DPP3: variants seen among roughly 807,000 people sequenced by gnomAD.
DPP3 encodes the protein dipeptidyl peptidase 3.
DPP3 carries 64 observed loss-of-function variants against 89.8 expected under a neutral mutation model. That is an observed-to-expected ratio of 0.71 (90% CI 0.58 to 0.88). The LOEUF is 0.88. Among genes scored for constraint, DPP3 ranks in the 40% least tolerant of loss-of-function variants. The probability of loss-of-function intolerance (pLI) is 0.00; values close to 1 mark genes in which losing one functional copy is unlikely to be tolerated. For missense variants in DPP3, 835 were observed against 972.5 expected (o/e 0.86, Z 1.88); for synonymous variants, 377 against 404.3 (o/e 0.93, Z 0.81).
chr11:66,502,130 T>G (rs1357065043), intron 16 of DPP3, among the ~76,000 whole-genome samples: 1 of 151,760 alleles, frequency 6.6e-6, no homozygotes, highest in African/African-American at 2.4e-5. Context: ...GAGGTGGAGG[T>G]TGCGTGAGCC....
intron 17 of DPP3, among the ~76,000 whole-genome samples, chr11:66,507,749 G>A (rs1301503223): frequency 1.3e-5 from 2 of 150,678 alleles, no homozygotes; most frequent in African/African-American, 2.4e-5. Context: ...TGAGATCTCG[G>A]CTCACTGCAA....
intron 11 of DPP3, 68 bp downstream of exon 11, chr11:66,493,247 A>G: frequency 1.5e-6 from 2 of 1,362,698 alleles, no homozygotes; most frequent in Non-Finnish European, 2.1e-6. Flanking sequence ...GAAGAGAGAC[A>G]GCCCAGAGCA....
At chr11:66,488,328 A>G (rs1463135350) in intron 6 of DPP3, among the ~76,000 whole-genome samples, 1 of 152,180 alleles carries the variant, frequency 6.6e-6, no homozygotes, top group Admixed American at 6.5e-5. Context: ...TTGGGAGGCA[A>G]AGGTGGGCGA....
chr11:66,496,252 G>A (rs947210442), intron 15 of DPP3, among the ~76,000 whole-genome samples: 4 of 152,046 alleles, frequency 2.6e-5, no homozygotes, highest in South Asian at 2.1e-4. Context: ...TTGTTTGTTC[G>A]TTTTTGTTTT....
At chr11:66,487,393 T>G in intron 5 of DPP3, 51 bp downstream of exon 5, 1 of 1,578,918 alleles carries the variant, frequency 6.3e-7, no homozygotes, top group Non-Finnish European at 8.7e-7. Context: ...GGGTTCCTAG[T>G]CCCAGCCCCC....
intron 2 of DPP3, chr11:66,483,139 G>A (rs981185872): frequency 6.6e-6 from 1 of 151,250 alleles, no homozygotes; most frequent in African/African-American, 2.4e-5. Flanking sequence ...CACTTCTCAT[G>A]CCTCAGCCTC....
chr11:66,490,868 C>T (rs1037369284), intron 6 of DPP3, among the ~76,000 whole-genome samples: 1 of 150,492 alleles, frequency 6.6e-6, no homozygotes, highest in Non-Finnish European at 1.5e-5. Context: ...CTCCCGGGTT[C>T]AAGCGATTCT....
chr11:66,497,540 C>A, intron 16 of DPP3, 63 bp downstream of exon 16: 1 of 1,548,176 alleles, frequency 6.5e-7, no homozygotes, highest in Non-Finnish European at 8.7e-7. Context: ...CTGAGTGTTA[C>A]CAGGCACGGA....
In DPP3 at chr11:66,504,459, C is replaced by T. The variant is rs965791148; in HGVS notation, c.1879-153C>T. The stretch of plus-strand genomic sequence containing the variant: ...CCTTAATGGTTAAGTTGAAACTTAA[C>T]CATAAGTTTCAACACCAGAATTTTG... On this transcript the variant is annotated intron_variant, in intron 16 of 17. Transcript: ENST00000531863. 9.9e-5 allele frequency among the ~76,000 whole-genome samples: 15 copies of T among 152,188 alleles called. No homozygotes were observed. In the East Asian group the frequency reaches 2.9e-3, roughly 29 times the overall value.
At chr11:66,482,011 A>G in intron 1 of DPP3, 182 bp from the exon 2 acceptor site, 9 of 817,478 alleles carry the variant, frequency 1.1e-5, no homozygotes, top group Middle Eastern at 3.8e-4. Flanking sequence ...GTATTTTGTG[A>G]CCCCTTGGGT....
At chr11:66,503,103 G>A (rs1423506101) in intron 16 of DPP3, among the ~76,000 whole-genome samples, 1 of 151,798 alleles carries the variant, frequency 6.6e-6, no homozygotes, top group Non-Finnish European at 1.5e-5. Context: ...TGAATAGCTG[G>A]GACTACAGGC....
intron 1 of DPP3, chr11:66,480,670 GGGGCTTCTGGAGGCCGGGGCA>G: frequency 7.8e-6 from 4 of 511,900 alleles, no homozygotes; most frequent in Non-Finnish European, 9.4e-6. Flanking sequence ...CTATTGGGGC[GGGGCTTCTGGAGGCCGGGGCA>G]GGGCGAGGAG....
At position 66,482,489 on chromosome 11, in the gene DPP3, A is replaced by G. The variant is rs201532921; in HGVS notation, c.270+19A>G. ...GTATCAGGTCAGTTCTCTTGGGCCA[A>G]CCCACATTACCTGAGTGGCTTCTGG... is the stretch of plus-strand genomic sequence containing the variant. On this transcript the variant is annotated intron_variant, in intron 2 of 17. Transcript: ENST00000531863. The G allele has an allele frequency of 2.5e-6, 4 of 1,593,220 alleles. No individual in the cohort carries two copies. In the African/African-American group the frequency reaches 4.0e-5, roughly 16 times the overall value.
intron 1 of DPP3, chr11:66,480,846 T>C (rs888268070): frequency 1.0e-5 from 2 of 190,566 alleles, no homozygotes; most frequent in Non-Finnish European, 2.1e-5. Context: ...TAAAATGGGC[T>C]TTCTTCTGGT....
intron 16 of DPP3, among the ~76,000 whole-genome samples, chr11:66,500,326 C>T (rs893815656): frequency 2.0e-5 from 3 of 151,994 alleles, no homozygotes; most frequent in African/African-American, 4.8e-5. Flanking sequence ...TGCACTCCAT[C>T]GCGGGCAATA....
At chr11:66,485,348 A>G in intron 3 of DPP3, 86 bp downstream of exon 3, 1 of 1,329,698 alleles carries the variant, frequency 7.5e-7, no homozygotes, top group Non-Finnish European at 1.1e-6. Flanking sequence ...CCCCAACTGG[A>G]GTGTCAGAAG....
At chr11:66,489,046 A>G (rs182904654) in intron 6 of DPP3, among the ~76,000 whole-genome samples, 2 of 152,122 alleles carry the variant, frequency 1.3e-5, no homozygotes, top group Non-Finnish European at 2.9e-5. Flanking sequence ...TTGTATTTTT[A>G]GTAGAGATGA....
At position 66,482,361 on chromosome 11, in the gene DPP3, C is replaced by T; in HGVS notation, c.161C>T (p.Pro54Leu). The T allele has an allele frequency of 2.5e-6, 4 of 1,612,942 alleles. No homozygotes were observed. Among genetic ancestry groups the T allele is most frequent in the Non-Finnish European group, 3.4e-6 (4 of 1,180,034 alleles). The change falls in exon 2 of 18, where the codon CCT becomes CTT. Residue 54 changes from proline (P) to leucine (L), a missense_variant. Coordinates refer to ENST00000531863, the MANE Select transcript of DPP3 (RefSeq NM_130443.4). ...CTGGCTGTGCTGCTTCAGACCTCCC[C>T]TGAGGCCCCCTACATCTATGCTCTG... is the stretch of plus-strand genomic sequence containing the variant. ...GGLAVLLQTSPEAPYIYALLS... is the reference protein window; with the variant it reads ...GGLAVLLQTSLEAPYIYALLS...
intron 3 of DPP3, 91 bp downstream of exon 3, chr11:66,485,353 C>A: frequency 7.7e-7 from 1 of 1,296,122 alleles, no homozygotes. Flanking sequence ...ACTGGAGTGT[C>A]AGAAGCCCTG....
Sources: allele counts gnomAD v4.1 joint callset (sites outside exome capture counted in the v4.1 genomes callset), GRCh38; gene constraint gnomAD v4.1.1; transcripts MANE v1.5; gene names NCBI Gene and HGNC (gene_info 2026-07-23, HGNC 2026-07-21).